MCU: variants seen among roughly 807,000 people sequenced by gnomAD.
MCU encodes calcium uniporter protein, mitochondrial.
MCU carries 12 observed loss-of-function variants against 45.2 expected under a neutral mutation model. The observed-to-expected ratio is 0.27, with a 90% CI of 0.17 to 0.43. MCU has a LOEUF of 0.43. MCU is among the 20% of genes least tolerant of loss of function. MCU has a pLI of 1.00. For synonymous variants in MCU, 160 were observed against 165.1 expected (o/e 0.97, Z 0.24); for missense variants, 324 against 436.7 (o/e 0.74, Z 2.30).
chr10:72,810,763 G>T (rs1844531757), intron 1 of MCU, among the ~76,000 whole-genome samples: 1 of 152,008 alleles, frequency 6.6e-6, no homozygotes. Flanking sequence ...CCAAAGTGCT[G>T]GGATTACAGG....
At chr10:72,833,956 G>C (rs956979276) in intron 1 of MCU, among the ~76,000 whole-genome samples, 4 of 152,190 alleles carry the variant, frequency 2.6e-5, no homozygotes, top group Non-Finnish European at 5.9e-5. Flanking sequence ...CCTGGTAAGA[G>C]ATAGGAAGGA....
intron 2 of MCU, among the ~76,000 whole-genome samples, chr10:72,849,503 A>G (rs1189214987): frequency 6.6e-6 from 1 of 152,142 alleles, no homozygotes; most frequent in East Asian, 1.9e-4. Flanking sequence ...CCCAATTTCT[A>G]GCAGACAATT....
chr10:72,853,131 T>A (rs1481460465), intron 2 of MCU, among the ~76,000 whole-genome samples: 2 of 152,176 alleles, frequency 1.3e-5, no homozygotes, highest in Non-Finnish European at 2.9e-5. Flanking sequence ...CAAAAATTAC[T>A]AGGCATATGA....
chr10:72,752,002 GC>G (rs1370385710), intron 1 of MCU, among the ~76,000 whole-genome samples: 2 of 151,722 alleles, frequency 1.3e-5, no homozygotes, highest in Non-Finnish European at 2.9e-5. Flanking sequence ...ACCACGCTGA[GC>G]CAATTTTTTG....
chr10:72,711,857 G>A (rs1424797743), intron 1 of MCU, among the ~76,000 whole-genome samples: 12 of 150,780 alleles, frequency 8.0e-5, no homozygotes, highest in Admixed American at 7.9e-4. Context: ...GACTACAGGC[G>A]CCCACCACCA....
chr10:72,731,890 G>A (rs149420511), intron 1 of MCU, among the ~76,000 whole-genome samples: 2,221 of 152,210 alleles, frequency 0.015, 31 homozygotes, highest in Middle Eastern at 0.041. Context: ...TAATAATGCT[G>A]TTATGAACAT....
intron 1 of MCU, among the ~76,000 whole-genome samples, chr10:72,765,018 G>A (rs1219309920): frequency 4.0e-5 from 6 of 151,160 alleles, no homozygotes; most frequent in East Asian, 1.9e-4. Flanking sequence ...TTGGGAGGCC[G>A]AGGTGGGCAG....
intron 1 of MCU, among the ~76,000 whole-genome samples, chr10:72,799,027 A>G (rs1389747699): frequency 6.6e-6 from 1 of 151,970 alleles, no homozygotes; most frequent in Non-Finnish European, 1.5e-5. Flanking sequence ...CCCAGGTTCA[A>G]GCGATTCTCC....
At chr10:72,699,811 C>T (rs987667792) in intron 1 of MCU, among the ~76,000 whole-genome samples, 1 of 151,588 alleles carries the variant, frequency 6.6e-6, no homozygotes, top group East Asian at 2.0e-4. Flanking sequence ...AGGCTGGTCT[C>T]GAACTACTGA....
intron 1 of MCU, among the ~76,000 whole-genome samples, chr10:72,762,088 T>G (rs913493979): frequency 6.6e-6 from 1 of 152,184 alleles, no homozygotes; most frequent in African/African-American, 2.4e-5. Flanking sequence ...TTTGGAAATC[T>G]TCAGAAAGTA....
chr10:72,780,185 A>G (rs142076671), intron 1 of MCU, among the ~76,000 whole-genome samples: 2 of 152,318 alleles, frequency 1.3e-5, no homozygotes, highest in African/African-American at 4.8e-5. Context: ...ACAAAAGACC[A>G]CATAATTTGT....
At chr10:72,771,166 A>G (rs1459382497) in intron 1 of MCU, among the ~76,000 whole-genome samples, 1 of 152,072 alleles carries the variant, frequency 6.6e-6, no homozygotes, top group Non-Finnish European at 1.5e-5. Context: ...GTCATTTTAC[A>G]TTAAGTATTT....
chr10:72,714,406 T>C (rs568310925), intron 1 of MCU, among the ~76,000 whole-genome samples: 1 of 142,234 alleles, frequency 7.0e-6, no homozygotes, highest in Admixed American at 7.1e-5. Context: ...AGGCCCAGGC[T>C]GGCCTTGAAT....
At chr10:72,704,827 TCTC>T (rs767867297) in intron 1 of MCU, among the ~76,000 whole-genome samples, 5 of 151,304 alleles carry the variant, frequency 3.3e-5, no homozygotes, top group Non-Finnish European at 7.4e-5. Flanking sequence ...TTCAAGCAGT[TCTC>T]CTACCTCAGC....
chr10:72,862,202 C>T (rs1229027608), intron 4 of MCU, among the ~76,000 whole-genome samples: 1 of 151,876 alleles, frequency 6.6e-6, no homozygotes, highest in Non-Finnish European at 1.5e-5. Context: ...AGGATGGTCT[C>T]GATCTCCTGA....
chr10:72,876,922 T>G (rs1159535178), intron 6 of MCU, among the ~76,000 whole-genome samples: 1 of 72,548 alleles, frequency 1.4e-5, no homozygotes, highest in East Asian at 3.9e-4. Context: ...CAAATCACAG[T>G]TTTTTTTTTT....
At chr10:72,752,086 C>A (rs1029131321) in intron 1 of MCU, among the ~76,000 whole-genome samples, 2 of 151,002 alleles carry the variant, frequency 1.3e-5, no homozygotes, top group African/African-American at 2.4e-5. Context: ...TGATCCACCC[C>A]CCTAGGCCTC....
chr10:72,788,269 C>T (rs1345105935), intron 1 of MCU, among the ~76,000 whole-genome samples: 7 of 152,136 alleles, frequency 4.6e-5, no homozygotes, highest in Non-Finnish European at 7.4e-5. Flanking sequence ...TTTTCAGCAG[C>T]GCTGAAATGA....
At chr10:72,777,972 A>G (rs1843921406) in intron 1 of MCU, among the ~76,000 whole-genome samples, 1 of 152,232 alleles carries the variant, frequency 6.6e-6, no homozygotes. Flanking sequence ...CAAAACCACA[A>G]TGAGATATCA....
Sources: gnomAD v4.1 joint callset for allele counts (sites outside exome capture counted in the v4.1 genomes callset) on GRCh38, gnomAD v4.1.1 for gene constraint, MANE v1.5 for transcripts, NCBI Gene and HGNC (gene_info 2026-07-23, HGNC 2026-07-21) for gene names.